The following BBS9 variants were observed in gnomAD, a reference collection of about 807,000 sequenced individuals.
The protein encoded by BBS9 is protein PTHB1.
A neutral mutation model predicts 117.7 loss-of-function variants in BBS9; 89 were observed. That is an observed-to-expected ratio of 0.76 (90% CI 0.64 to 0.90). The LOEUF is 0.90. Among genes scored for constraint, BBS9 ranks in the 40% least tolerant of loss-of-function variants. The pLI is 0.00. For synonymous variants in BBS9, 379 were observed against 370.9 expected (o/e 1.02, Z -0.25); for missense variants, 982 against 1,042.2 (o/e 0.94, Z 0.80).
intron 20 of BBS9, among the ~76,000 whole-genome samples, chr7:33,522,485 C>G (rs558076392): frequency 2.0e-5 from 3 of 152,078 alleles, no homozygotes; most frequent in South Asian, 2.1e-4. Context: ...ATTTGCATTT[C>G]TCTGATGGCC....
At chr7:33,423,500 T>C (rs1013359113) in intron 19 of BBS9, among the ~76,000 whole-genome samples, 2 of 151,666 alleles carry the variant, frequency 1.3e-5, no homozygotes, top group Admixed American at 6.6e-5. Context: ...TAGCAGGGTC[T>C]AGGATTAAGA....
intron 21 of BBS9, among the ~76,000 whole-genome samples, chr7:33,543,492 A>G (rs898626192): frequency 8.6e-5 from 13 of 151,958 alleles, no homozygotes; most frequent in African/African-American, 3.1e-4. Context: ...ATTTGTTTTT[A>G]TTGCATTTGC....
At chr7:33,242,847 A>G (rs776922507) in intron 5 of BBS9, 2 of 430,432 alleles carry the variant, frequency 4.6e-6, no homozygotes, top group South Asian at 3.7e-5. Context: ...AAATTATGTC[A>G]TTAGGTACCT....
At chr7:33,252,410 G>C (rs1042042456) in intron 5 of BBS9, among the ~76,000 whole-genome samples, 39 of 152,272 alleles carry the variant, frequency 2.6e-4, no homozygotes, top group African/African-American at 9.4e-4. Flanking sequence ...TCATGCTAAG[G>C]TAGTGGTTCT....
rs117559343 is a variant in BBS9, at chr7:33,466,706, G to A, written c.2116-38757G>A. Among the ~76,000 whole-genome samples the A allele has an allele frequency of 8.6e-3, 1,308 of 151,944 alleles. 15 individuals carry two copies. Among genetic ancestry groups the A allele is most frequent in the Non-Finnish European group, 0.015 (1,028 of 67,930 alleles). ...GATCCTTAAAAGTCAGAAAAACACT[G>A]GAAAAAAAGAAGGATAAATGGCAGT... On this transcript the variant is annotated intron_variant, in intron 19 of 22. Transcript: ENST00000242067.
intron 19 of BBS9, among the ~76,000 whole-genome samples, chr7:33,393,748 A>G (rs1300802593): frequency 6.6e-6 from 1 of 152,182 alleles, no homozygotes; most frequent in Non-Finnish European, 1.5e-5. Flanking sequence ...TGAGGCAACC[A>G]TCCACGAAGG....
chr7:33,229,433 A>G (rs1791912015), intron 5 of BBS9, among the ~76,000 whole-genome samples: 3 of 151,428 alleles, frequency 2.0e-5, no homozygotes, highest in South Asian at 2.1e-4. Context: ...TATGTATTGG[A>G]GTTTTGTTTT....
At chr7:33,157,025 T>C (rs11766521) in intron 4 of BBS9, among the ~76,000 whole-genome samples, 24,640 of 152,156 alleles carry the variant, frequency 0.16, 2,142 homozygotes, top group South Asian at 0.21. Flanking sequence ...TGGAGGAGAA[T>C]TTGCCTACAG....
intron 19 of BBS9, among the ~76,000 whole-genome samples, chr7:33,412,116 T>C (rs1036707161): frequency 5.9e-5 from 9 of 152,166 alleles, no homozygotes; most frequent in Non-Finnish European, 8.8e-5. Flanking sequence ...AGCTCAACAA[T>C]AGATTATTCT....
intron 21 of BBS9, among the ~76,000 whole-genome samples, chr7:33,536,784 A>G (rs564409051): frequency 1.8e-5 from 2 of 112,064 alleles, no homozygotes; most frequent in East Asian, 5.5e-4. Flanking sequence ...TTTCTTTGCT[A>G]TGAGAAATAT....
chr7:33,272,254 G>C (rs188697550), intron 7 of BBS9, among the ~76,000 whole-genome samples: 2 of 152,128 alleles, frequency 1.3e-5, no homozygotes, highest in Admixed American at 1.3e-4. Flanking sequence ...CACATACTAC[G>C]CTTAATACCT....
At position 33,332,702 on chromosome 7, in the gene BBS9, CAACAACA is replaced by C. The variant is rs1450389790; in HGVS notation, c.1017-3736_1017-3730del. On this transcript the variant is annotated intron_variant, in intron 9 of 22. Transcript: ENST00000242067. ...AAAACAACAACAACAACAACAACAACAACAACAAAAACAAAAAAGAAAAACAAGATTG... is the reference window on the plus strand; with the variant it reads ...AAAACAACAACAACAACAACAACAACAAAACAAAAAAGAAAAACAAGATTG... Among the ~76,000 whole-genome samples the C allele has an allele frequency of 5.3e-5, 8 of 151,696 alleles. No individual in the cohort carries two copies. In the East Asian group the frequency reaches 1.5e-3, roughly 29 times the overall value.
At chr7:33,433,393 T>C (rs1834820387) in intron 19 of BBS9, among the ~76,000 whole-genome samples, 1 of 152,218 alleles carries the variant, frequency 6.6e-6, no homozygotes, top group African/African-American at 2.4e-5. Flanking sequence ...TTTTGCATTG[T>C]TTTGGCAGAG....
intron 19 of BBS9, chr7:33,390,565 T>G (rs891071087): frequency 5.2e-6 from 5 of 959,882 alleles, no homozygotes; most frequent in East Asian, 1.2e-4. Context: ...TCAATTTTAT[T>G]ATATGTATAT....
At chr7:33,557,465 A>G (rs1855465134) in intron 21 of BBS9, among the ~76,000 whole-genome samples, 1 of 152,164 alleles carries the variant, frequency 6.6e-6, no homozygotes. Flanking sequence ...AAGGTACCAT[A>G]CTTTGATTTT....
chr7:33,370,621 G>A (rs901887624), intron 17 of BBS9, among the ~76,000 whole-genome samples: 2 of 152,180 alleles, frequency 1.3e-5, no homozygotes, highest in African/African-American at 4.8e-5. Context: ...TTTCTGCGTG[G>A]ATGTCTATAA....
At chr7:33,230,420 A>T (rs6956981) in intron 5 of BBS9, among the ~76,000 whole-genome samples, 22,618 of 152,018 alleles carry the variant, frequency 0.15, 1,986 homozygotes, top group South Asian at 0.23. Context: ...TACATTTTTT[A>T]AAAAAAATTT....
intron 5 of BBS9, among the ~76,000 whole-genome samples, chr7:33,207,223 T>A (rs1045014102): frequency 2.0e-5 from 3 of 152,204 alleles, no homozygotes; most frequent in African/African-American, 4.8e-5. Flanking sequence ...TTCATCAACA[T>A]TCCCCCTTGA....
intron 21 of BBS9, among the ~76,000 whole-genome samples, chr7:33,634,631 G>A (rs1866055807): frequency 6.6e-6 from 1 of 152,112 alleles, no homozygotes; most frequent in Non-Finnish European, 1.5e-5. Context: ...CCAGGCCCAG[G>A]CTGTGTCACG....
Sources: allele counts gnomAD v4.1 joint callset (sites outside exome capture counted in the v4.1 genomes callset), GRCh38; gene constraint gnomAD v4.1.1; transcripts MANE v1.5; gene names NCBI Gene and HGNC (gene_info 2026-07-23, HGNC 2026-07-21).